PSMA1: variants seen among roughly 807,000 people sequenced by gnomAD.
PSMA1 encodes proteasome 20S subunit alpha 1, also known as proteasome subunit alpha type-1.
In PSMA1, 3 loss-of-function variants were observed where a neutral mutation model predicts 38.4. The ratio of observed to expected loss-of-function variants is 0.08; its 90% CI spans 0.04 to 0.20. The LOEUF is 0.20. Ranked by LOEUF, PSMA1 falls within the 10% of genes least tolerant of loss-of-function variation. The probability of loss-of-function intolerance (pLI) is 1.00; values close to 1 mark genes in which losing one functional copy is unlikely to be tolerated. For missense variants in PSMA1, 227 were observed against 325.3 expected (o/e 0.70, Z 2.32); for synonymous variants, 101 against 107.1 (o/e 0.94, Z 0.35).
Position 14,513,616 on chromosome 11 carries a change from T to A in PSMA1, c.498A>T (p.Gln166His), listed in dbSNP as rs184210551. 5 of 1,590,220 alleles carry A rather than the reference T, an allele frequency of 3.1e-6. No individual in the cohort carries two copies. The highest frequency in any genetic ancestry group is 4.3e-6 in the Non-Finnish European group (5 of 1,173,032). ...GTCTCTCCAAGTAAGTACGAGCTGA[T>A]TGGGAACGGGCTCCAATGGACATGG... ...CRAMSIGARS[Q>H]SARTYLERHM... is the part of the protein sequence containing the mutation. Residue 166 changes from glutamine to histidine, a missense_variant, in exon 7 of 10, where the codon CAA becomes CAT. Gln to His is a conservative substitution (Grantham distance 24). Coordinates refer to ENST00000396394, the MANE Select transcript of PSMA1 (RefSeq NM_002786.4).
At chr11:14,588,487 G>A (rs1013877752) in intron 2 of PSMA1, among the ~76,000 whole-genome samples, 2 of 152,076 alleles carry the variant, frequency 1.3e-5, no homozygotes, top group South Asian at 2.1e-4. Flanking sequence ...AGTGACCTCA[G>A]AAATCCAACT....
At chr11:14,550,736 AT>A (rs58230316) in intron 2 of PSMA1, among the ~76,000 whole-genome samples, 6 of 151,682 alleles carry the variant, frequency 4.0e-5, no homozygotes, top group African/African-American at 1.5e-4. Flanking sequence ...AAACTTCTTA[AT>A]TTTTTTACGG....
intron 2 of PSMA1, among the ~76,000 whole-genome samples, chr11:14,528,565 T>C (rs1851612147): frequency 6.6e-6 from 1 of 152,080 alleles, no homozygotes; most frequent in Non-Finnish European, 1.5e-5. Context: ...CCAAAAATTT[T>C]CGCTGCCCCA....
chr11:14,523,115 C>G (rs1378362662), upstream of PSMA1, among the ~76,000 whole-genome samples: 1 of 152,150 alleles, frequency 6.6e-6, no homozygotes, highest in Non-Finnish European at 1.5e-5. Context: ...TGGCTGTTAT[C>G]AAAGCTCTAC....
At chr11:14,507,451 C>A (rs572870222) in intron 9 of PSMA1, 1 of 466,076 alleles carries the variant, frequency 2.1e-6, no homozygotes, top group African/African-American at 2.0e-5. Context: ...CAGGCATGAG[C>A]CACCGCACCC....
intron 2 of PSMA1, among the ~76,000 whole-genome samples, chr11:14,527,334 A>G (rs1473516082): frequency 1.3e-5 from 2 of 152,062 alleles, no homozygotes; most frequent in Non-Finnish European, 2.9e-5. Flanking sequence ...CTCTTCCCAA[A>G]CAAGGCAAAT....
intron 2 of PSMA1, among the ~76,000 whole-genome samples, chr11:14,585,647 G>T (rs911696069): frequency 1.3e-5 from 2 of 152,130 alleles, no homozygotes; most frequent in Non-Finnish European, 2.9e-5. Context: ...TAGCCTGGAG[G>T]CCTCATCTCT....
intron 7 of PSMA1, among the ~76,000 whole-genome samples, chr11:14,512,563 C>A (rs1851362767): frequency 6.6e-6 from 1 of 152,094 alleles, no homozygotes; most frequent in South Asian, 2.1e-4. Context: ...CAGTTCTGAA[C>A]CAAACTTTGG....
chr11:14,531,379 A>G (rs2134159411), intron 2 of PSMA1, among the ~76,000 whole-genome samples: 1 of 152,166 alleles, frequency 6.6e-6, no homozygotes, highest in African/African-American at 2.4e-5. Context: ...AACATGTGGT[A>G]TTTGGTTTTC....
At chr11:14,592,398 T>A (rs986018208) in intron 2 of PSMA1, among the ~76,000 whole-genome samples, 10 of 111,588 alleles carry the variant, frequency 9.0e-5, no homozygotes, top group African/African-American at 1.5e-4. Context: ...ATATATATTT[T>A]TTTTTTAGAT....
At chr11:14,514,283 G>A in intron 5 of PSMA1, 120 bp downstream of exon 5, 1 of 1,388,926 alleles carries the variant, frequency 7.2e-7, no homozygotes. Context: ...AATCCAATTT[G>A]TTGTTTTAAA....
chr11:14,622,735 G>A (rs1197581840), intron 1 of PSMA1, among the ~76,000 whole-genome samples: 2 of 152,180 alleles, frequency 1.3e-5, no homozygotes, highest in South Asian at 2.1e-4. Context: ...ATAGAAAGTT[G>A]CCAGCTTTGA....
intron 1 of PSMA1, among the ~76,000 whole-genome samples, chr11:14,634,197 CG>C (rs1425706226): frequency 6.6e-6 from 1 of 152,186 alleles, no homozygotes; most frequent in African/African-American, 2.4e-5. Context: ...TCATCCCCCC[CG>C]GTCTGTGGAA....
chr11:14,535,946 C>A (rs1260246340), intron 2 of PSMA1, among the ~76,000 whole-genome samples: 1 of 152,088 alleles, frequency 6.6e-6, no homozygotes, highest in Non-Finnish European at 1.5e-5. Context: ...CCAAATCATG[C>A]TTCGAGGAGT....
chr11:14,555,813 GCT>G (rs1436593641), intron 2 of PSMA1, among the ~76,000 whole-genome samples: 1 of 152,168 alleles, frequency 6.6e-6, no homozygotes, highest in Non-Finnish European at 1.5e-5. Flanking sequence ...CAGATGAACT[GCT>G]TGATGTTCAC....
In PSMA1 at chr11:14,529,555, CAG is replaced by C. The variant is rs1420167301; in HGVS notation, c.22-10516_22-10515del. On this transcript the variant is annotated intron_variant, in intron 2 of 10. Coordinates refer to the PSMA1 transcript ENST00000418988. ...TTTCCTTCCTTCTTTCAAGTTCAAA[CAG>C]AGGAACAGGCAAGAACATTCTTAAC... is the stretch of plus-strand genomic sequence containing the variant. Among the ~76,000 whole-genome samples the C allele has an allele frequency of 4.6e-5, 7 of 152,170 alleles. No individual in the cohort carries two copies. In the South Asian group the frequency reaches 6.2e-4, roughly 13 times the overall value.
intron 8 of PSMA1, among the ~76,000 whole-genome samples, chr11:14,510,064 A>G (rs922019315): frequency 9.2e-5 from 14 of 152,170 alleles, no homozygotes; most frequent in African/African-American, 3.1e-4. Context: ...ACTGTTTTAA[A>G]ACCTAAACCA....
At chr11:14,523,235 G>A (rs1474930272), upstream of PSMA1, among the ~76,000 whole-genome samples, 1 of 152,124 alleles carries the variant, frequency 6.6e-6, no homozygotes, top group South Asian at 2.1e-4. Context: ...GTGTTTTGGG[G>A]ATTTGGCTCA....
chr11:14,590,892 G>T (rs927027643), intron 2 of PSMA1, among the ~76,000 whole-genome samples: 1 of 152,256 alleles, frequency 6.6e-6, no homozygotes, highest in Non-Finnish European at 1.5e-5. Flanking sequence ...CCCAGTGAGA[G>T]GTGACAGTGT....
Sources: allele counts gnomAD v4.1 joint callset (sites outside exome capture counted in the v4.1 genomes callset), GRCh38; gene constraint gnomAD v4.1.1; transcripts MANE v1.5; gene names NCBI Gene and HGNC (gene_info 2026-07-23, HGNC 2026-07-21).